PHF20: variants seen among roughly 807,000 people sequenced by gnomAD.
The protein encoded by PHF20 is PHD finger protein 20, also known as glioma-expressed antigen 2.
In PHF20, 23 loss-of-function variants were observed where a neutral mutation model predicts 113.5. That is an observed-to-expected ratio of 0.20 (90% CI 0.15 to 0.29). PHF20 has a LOEUF of 0.29. Among genes scored for constraint, PHF20 ranks in the 10% least tolerant of loss-of-function variants. The pLI is 1.00. For missense variants in PHF20, 943 were observed against 1,219.6 expected (o/e 0.77, Z 3.38); for synonymous variants, 434 against 457.3 (o/e 0.95, Z 0.65).
At chr20:35,909,240 A>C (rs376839245) in intron 10 of PHF20, among the ~76,000 whole-genome samples, 1 of 145,568 alleles carries the variant, frequency 6.9e-6, no homozygotes, top group Admixed American at 6.9e-5. Flanking sequence ...GTGCAAAAGT[A>C]ATTGTGGTTT....
At chr20:35,866,247 T>C (rs1026433043) in intron 6 of PHF20, among the ~76,000 whole-genome samples, 1 of 152,116 alleles carries the variant, frequency 6.6e-6, no homozygotes, top group Non-Finnish European at 1.5e-5. Flanking sequence ...TAAAATTACA[T>C]GTGGCTTGCA....
At chr20:35,822,118 G>C (rs913431144) in intron 2 of PHF20, among the ~76,000 whole-genome samples, 3 of 152,190 alleles carry the variant, frequency 2.0e-5, no homozygotes, top group Non-Finnish European at 4.4e-5. Flanking sequence ...ACATCTGGGA[G>C]TTGGGCTGAG....
chr20:35,925,954 C>T (rs1307916959), intron 13 of PHF20, among the ~76,000 whole-genome samples: 2 of 151,336 alleles, frequency 1.3e-5, no homozygotes, highest in Non-Finnish European at 2.9e-5. Flanking sequence ...AACCCCATCT[C>T]TACTAAAAAT....
At chr20:35,937,991 C>T (rs1296023545) in intron 15 of PHF20, among the ~76,000 whole-genome samples, 2 of 152,128 alleles carry the variant, frequency 1.3e-5, no homozygotes, top group African/African-American at 4.8e-5. Flanking sequence ...CCTGCCTCAG[C>T]CTCCCAAGTA....
chr20:35,939,927 G>A (rs947465545), intron 16 of PHF20, among the ~76,000 whole-genome samples: 1 of 152,268 alleles, frequency 6.6e-6, no homozygotes, highest in South Asian at 2.1e-4. Context: ...ATGTCTAAAC[G>A]GTGTTGGGCA....
intron 9 of PHF20, among the ~76,000 whole-genome samples, chr20:35,898,369 G>A: frequency 6.6e-6 from 1 of 152,154 alleles, no homozygotes; most frequent in East Asian, 1.9e-4. Context: ...TACCAGGATG[G>A]TAGTAAATGT....
intron 3 of PHF20, among the ~76,000 whole-genome samples, chr20:35,844,940 A>T (rs1347614654): frequency 6.6e-6 from 1 of 152,184 alleles, no homozygotes; most frequent in Non-Finnish European, 1.5e-5. Flanking sequence ...GCAAATTTAT[A>T]TTGTCAGATA....
intron 9 of PHF20, among the ~76,000 whole-genome samples, chr20:35,883,241 C>T (rs1316161715): frequency 3.3e-5 from 5 of 151,848 alleles, no homozygotes; most frequent in African/African-American, 7.3e-5. Flanking sequence ...AAAACAATTA[C>T]GTATAATTTA....
chr20:35,869,453 C>T lies in PHF20; in HGVS notation c.824C>T (p.Ser275Phe), dbSNP rs1355871448. The T allele has an allele frequency of 6.3e-7, 1 of 1,598,752 alleles. No homozygotes were observed. The highest frequency in any genetic ancestry group is 8.6e-7 in the Non-Finnish European group (1 of 1,169,066). The change falls in exon 7 of 18, where the codon TCT becomes TTT. Residue 275 changes from serine (S) to phenylalanine (F), a missense_variant. Transcript: ENST00000374012. Reference sequence around the variant, plus strand: ...AACATGGTAGCTGTGGATTCAAACTCTCAAACTTTGCAACCAATAACATTG... The same window carrying T: ...AACATGGTAGCTGTGGATTCAAACTTTCAAACTTTGCAACCAATAACATTG... Reference protein sequence around the residue: ...SIAPTAVDSNSQTLQPITLEL... With the variant: ...SIAPTAVDSNFQTLQPITLEL...
At chr20:35,851,685 G>T (rs1312531719) in intron 4 of PHF20, among the ~76,000 whole-genome samples, 3 of 151,908 alleles carry the variant, frequency 2.0e-5, no homozygotes, top group East Asian at 1.9e-4. Flanking sequence ...AGGGGCCGGG[G>T]CAGCGGATTA....
chr20:35,895,466 A>T (rs1178983953), intron 9 of PHF20, among the ~76,000 whole-genome samples: 1 of 152,132 alleles, frequency 6.6e-6, no homozygotes, highest in Non-Finnish European at 1.5e-5. Flanking sequence ...TTCCAGCCTT[A>T]GTCTTTTTTA....
Position 35,899,367 on chromosome 20 carries a change from C to T in PHF20, c.1283-3C>T. 1 of 1,589,060 alleles carries T rather than the reference C, an allele frequency of 6.3e-7. No individual in the cohort carries two copies. The highest frequency in any genetic ancestry group is 8.6e-7 in the Non-Finnish European group (1 of 1,167,712). Reference sequence around the variant, plus strand: ...CCTTTGCTTTTGTTTTTATTTTTTTCAGTAACAAATACTTTTAAGAAAACA... The same window carrying T: ...CCTTTGCTTTTGTTTTTATTTTTTTTAGTAACAAATACTTTTAAGAAAACA... On this transcript the variant is annotated splice_region_variant and splice_polypyrimidine_tract_variant and intron_variant, in intron 9 of 17. Transcript: ENST00000374012.
intron 2 of PHF20, among the ~76,000 whole-genome samples, chr20:35,823,370 G>A (rs551888137): frequency 2.3e-4 from 35 of 150,910 alleles, no homozygotes; most frequent in South Asian, 2.1e-3. Flanking sequence ...GGAGGACAAC[G>A]TGGGAGGATT....
chr20:35,936,654 G>T (rs1000047511), intron 15 of PHF20, among the ~76,000 whole-genome samples: 1 of 152,160 alleles, frequency 6.6e-6, no homozygotes, highest in Non-Finnish European at 1.5e-5. Context: ...TATCATTAAT[G>T]ACCTATACAT....
chr20:35,839,793 A>T (rs1365311432), intron 2 of PHF20, among the ~76,000 whole-genome samples: 1 of 152,214 alleles, frequency 6.6e-6, no homozygotes, highest in African/African-American at 2.4e-5. Context: ...CTCTGTGAGG[A>T]ATACACACAT....
At chr20:35,893,053 G>A (rs1215726384) in intron 9 of PHF20, among the ~76,000 whole-genome samples, 1 of 152,228 alleles carries the variant, frequency 6.6e-6, no homozygotes, top group African/African-American at 2.4e-5. Context: ...GAGCATCCGT[G>A]CTCACTTGAG....
intron 2 of PHF20, among the ~76,000 whole-genome samples, chr20:35,820,218 T>C (rs998381917): frequency 1.3e-5 from 2 of 152,112 alleles, no homozygotes; most frequent in African/African-American, 2.4e-5. Context: ...TAGGGGAGAA[T>C]AGTTAATTTC....
At chr20:35,806,832 G>A (rs1312306024) in intron 2 of PHF20, among the ~76,000 whole-genome samples, 2 of 128,708 alleles carry the variant, frequency 1.6e-5, no homozygotes, top group African/African-American at 6.0e-5. Context: ...ATCTTGCTCA[G>A]TCGCCCAGGC....
intron 1 of PHF20, among the ~76,000 whole-genome samples, chr20:35,787,544 A>G (rs965263467): frequency 1.4e-5 from 2 of 145,046 alleles, no homozygotes; most frequent in African/African-American, 5.2e-5. Flanking sequence ...GCTGGAGTGC[A>G]GTGGCACAAT....
Sources: allele counts gnomAD v4.1 joint callset (sites outside exome capture counted in the v4.1 genomes callset), GRCh38; gene constraint gnomAD v4.1.1; transcripts MANE v1.5; gene names NCBI Gene and HGNC (gene_info 2026-07-23, HGNC 2026-07-21).